Variants in PDE3B observed in about 807,000 individuals in gnomAD.
PDE3B encodes the protein phosphodiesterase 3B.
PDE3B carries 66 observed loss-of-function variants against 116.8 expected under a neutral mutation model. The ratio of observed to expected loss-of-function variants is 0.56; its 90% CI spans 0.46 to 0.69. PDE3B has a LOEUF of 0.69. Ranked by LOEUF, PDE3B falls within the 30% of genes least tolerant of loss-of-function variation. The pLI, the probability that PDE3B is intolerant of heterozygous loss-of-function variation, is 0.00. For missense variants in PDE3B, 1,384 were observed against 1,368.1 expected, an observed-to-expected ratio of 1.01 and a Z score of -0.18; for synonymous variants, 595 against 533.6, an observed-to-expected ratio of 1.12 and a Z score of -1.59.
intron 1 of PDE3B, among the ~76,000 whole-genome samples, chr11:14,742,517 T>G (rs941119554): frequency 6.6e-6 from 1 of 152,216 alleles, no homozygotes; most frequent in Non-Finnish European, 1.5e-5. Flanking sequence ...GCTTCCTTGC[T>G]TTGGGTTAGG....
At position 14,722,252 on chromosome 11, in the gene PDE3B, T is replaced by C. The variant is rs375572475; in HGVS notation, c.979-49685T>C. Among the ~76,000 whole-genome samples the C allele has an allele frequency of 4.5e-4, 69 of 151,982 alleles. 1 individual carries two copies. In the East Asian group the frequency reaches 0.01, roughly 23 times the overall value. ...GTGCAGCACACCAACATGGCACATG[T>C]ATACATATGTAACAAACCTGCACGT... On this transcript the variant is annotated intron_variant, in intron 1 of 15. Transcript: ENST00000282096.
chr11:14,795,036 C>T (rs1858509570), intron 4 of PDE3B, among the ~76,000 whole-genome samples: 1 of 152,152 alleles, frequency 6.6e-6, no homozygotes, highest in South Asian at 2.1e-4. Context: ...TCACAAGCTC[C>T]TCAGACCCAG....
intron 1 of PDE3B, among the ~76,000 whole-genome samples, chr11:14,698,454 A>G (rs1855273676): frequency 6.6e-6 from 1 of 151,478 alleles, no homozygotes; most frequent in Admixed American, 6.6e-5. Flanking sequence ...CTTGGAATAA[A>G]CCCCACTTGA....
intron 1 of PDE3B, chr11:14,673,813 C>T (rs1174001049): frequency 7.6e-6 from 7 of 925,434 alleles, no homozygotes; most frequent in Admixed American, 1.7e-5. Flanking sequence ...TTGGGGTGAT[C>T]TGCAAGAATT....
chr11:14,806,368 A>G (rs1258660751), intron 5 of PDE3B, among the ~76,000 whole-genome samples: 4 of 151,770 alleles, frequency 2.6e-5, no homozygotes, highest in Non-Finnish European at 5.9e-5. Context: ...GAATGGCATG[A>G]ACCTGGAAGG....
rs1857747402 is a variant in PDE3B, at chr11:14,775,093, CTTTTTCCCTTAACTTACTTTATTTTCTCT to C, written c.1029+3111_1029+3139del. 5 of 152,318 alleles carry C rather than the reference CTTTTTCCCTTAACTTACTTTATTTTCTCT, an allele frequency of 3.3e-5. No individual in the cohort carries two copies. The East Asian group carries it at 9.6e-4, about 29-fold the overall frequency. 9.4% of individuals were successfully genotyped at this position (152,318 alleles called of 1,614,324 possible). Reference sequence around the variant, plus strand: ...AAAATTGCATTGCGTTCTATCACATCTTTTTCCCTTAACTTACTTTATTTTCTCTTTTTAGCAGCTTGTTCAAAATCTAT... The same window carrying C: ...AAAATTGCATTGCGTTCTATCACATCTTTTAGCAGCTTGTTCAAAATCTAT... On this transcript the variant is annotated intron_variant, in intron 2 of 15. Transcript: ENST00000282096.
intron 1 of PDE3B, among the ~76,000 whole-genome samples, chr11:14,669,708 G>A (rs944889824): frequency 6.6e-6 from 1 of 150,856 alleles, no homozygotes; most frequent in Admixed American, 6.6e-5. Flanking sequence ...GAGAATATGC[G>A]GTGTTTGGTT....
At chr11:14,659,854 T>C (rs1476314524) in intron 1 of PDE3B, among the ~76,000 whole-genome samples, 1 of 152,250 alleles carries the variant, frequency 6.6e-6, no homozygotes, top group African/African-American at 2.4e-5. Flanking sequence ...ATGAAAATAA[T>C]ATATTTCTCT....
At chr11:14,810,162 T>C (rs1274818078) in intron 5 of PDE3B, among the ~76,000 whole-genome samples, 1 of 152,206 alleles carries the variant, frequency 6.6e-6, no homozygotes. Context: ...GATAACATTT[T>C]TTTTTCTTTT....
chr11:14,803,893 T>G lies in PDE3B; in HGVS notation c.1416-51T>G, dbSNP rs866815981. 8.7e-6 allele frequency: 9 copies of G among 1,035,530 alleles called. No homozygotes were observed. The Middle Eastern group carries it at 1.6e-3, about 188-fold the overall frequency. The allele number at this position is 1,035,530 out of a possible 1,614,324, so 64.1% of individuals were successfully genotyped here. A position where few individuals can be genotyped will look rare whatever the true frequency, so the allele number is the denominator to read the frequency against. On this transcript the variant is annotated intron_variant, in intron 4 of 15. Transcript: ENST00000282096. The stretch of plus-strand genomic sequence containing the variant: ...AATTGAGAACCATGAGGAAAAAAGG[T>G]GAAACTTTTCCTGTTTTTAAAAATT...
chr11:14,688,346 G>A (rs1218778071), intron 1 of PDE3B, among the ~76,000 whole-genome samples: 1 of 152,092 alleles, frequency 6.6e-6, no homozygotes, highest in Non-Finnish European at 1.5e-5. Flanking sequence ...GAGAAAAATG[G>A]ACACACTGAA....
chr11:14,825,666 T>C (rs1375315331), intron 7 of PDE3B, among the ~76,000 whole-genome samples: 2 of 152,194 alleles, frequency 1.3e-5, no homozygotes, highest in Admixed American at 1.3e-4. Context: ...CAAAGTGCCT[T>C]AGACTCCCAC....
rs145176926 is a variant in PDE3B at position 14,766,920 on chromosome 11, A to G, written c.979-5017A>G. Among the ~76,000 whole-genome samples, 300 of 151,874 alleles carry G rather than the reference A, an allele frequency of 2.0e-3. 1 individual carries two copies. Among genetic ancestry groups the G allele is most frequent in the African/African-American group, 6.6e-3 (275 of 41,546 alleles). ...ATTCTTCCTCAAGTGTATTACACAT[A>G]TACCAAGAGCTGATTTGGCTTTGCA... On this transcript the variant is annotated intron_variant, in intron 1 of 15. Coordinates refer to ENST00000282096, the MANE Select transcript of PDE3B (RefSeq NM_000922.4).
rs1177970993 is a variant in PDE3B at position 14,745,672 on chromosome 11, C to T, written c.979-26265C>T. Among the ~76,000 whole-genome samples, 6 of 151,858 alleles carry T rather than the reference C, an allele frequency of 4.0e-5. No homozygotes were observed. The South Asian group carries it at 6.2e-4, about 16-fold the overall frequency. Reference sequence around the variant, plus strand: ...TTATTATGTATATTTTTTTTATTTTCCTTCTCCTTTTATTTTTCCTCCTTT... The same window carrying T: ...TTATTATGTATATTTTTTTTATTTTTCTTCTCCTTTTATTTTTCCTCCTTT... On this transcript the variant is annotated intron_variant, in intron 1 of 15. Coordinates refer to ENST00000282096, the MANE Select transcript of PDE3B (RefSeq NM_000922.4).
At chr11:14,864,516 A>G (rs782195688) in intron 14 of PDE3B, among the ~76,000 whole-genome samples, 3 of 152,326 alleles carry the variant, frequency 2.0e-5, no homozygotes, top group East Asian at 1.9e-4. Context: ...TCAGCACCAC[A>G]TCGCACTTGT....
chr11:14,892,659 T>C, the PDE3B span, among the ~76,000 whole-genome samples: 4 of 152,232 alleles, frequency 2.6e-5, no homozygotes, highest in Non-Finnish European at 5.9e-5. Flanking sequence ...CTGAACCTGA[T>C]ACTTTTCAGA....
chr11:14,772,862 C>G (rs1438070265), intron 2 of PDE3B: 1 of 151,812 alleles, frequency 6.6e-6, no homozygotes, highest in African/African-American at 2.4e-5. Context: ...ATTCTAATAG[C>G]TTATTTGAAG....
intron 1 of PDE3B, among the ~76,000 whole-genome samples, chr11:14,694,786 G>A (rs1855154518): frequency 6.6e-6 from 1 of 152,044 alleles, no homozygotes; most frequent in Admixed American, 6.6e-5. Flanking sequence ...GCTTTTATGT[G>A]AACCAAATAA....
chr11:14,778,857 G>A (rs1857876487), intron 2 of PDE3B, among the ~76,000 whole-genome samples: 1 of 152,068 alleles, frequency 6.6e-6, no homozygotes, highest in Non-Finnish European at 1.5e-5. Context: ...CAGATGATTG[G>A]TAATAACAAA....
Sources: gnomAD v4.1 joint callset for allele counts (sites outside exome capture counted in the v4.1 genomes callset) on GRCh38, gnomAD v4.1.1 for gene constraint, MANE v1.5 for transcripts, NCBI Gene and HGNC (gene_info 2026-07-23, HGNC 2026-07-21) for gene names.